The following DNAH6 variants were observed in gnomAD, a reference collection of about 807,000 sequenced individuals.
The protein encoded by DNAH6 is axonemal beta dynein heavy chain 6.
In DNAH6, 340 loss-of-function variants were observed where a neutral mutation model predicts 491.4. The observed-to-expected ratio is 0.69, with a 90% CI of 0.63 to 0.76. The LOEUF is 0.76. Among genes scored for constraint, DNAH6 ranks in the 30% least tolerant of loss-of-function variants. DNAH6 has a pLI of 0.00. For synonymous variants in DNAH6, 1,603 were observed against 1,686.1 expected, an observed-to-expected ratio of 0.95 and a Z score of 1.21; for missense variants, 4,443 against 4,972.2, an observed-to-expected ratio of 0.89 and a Z score of 3.20.
At position 84,784,775 on chromosome 2, in the gene DNAH6, A is replaced by G; in HGVS notation, c.10918A>G (p.Thr3640Ala). The change falls in exon 66 of 77, where the codon ACA (threonine) becomes GCA (alanine). Residue 3640 changes from threonine to alanine, a missense_variant. Coordinates refer to ENST00000389394, the MANE Select transcript of DNAH6 (RefSeq NM_001370.2). ...TTTTTTAAGCTCCATGCCTAGTAAT[A>G]CATTTCCTGTTACAGTTCTTCAAAA... ...RLFLSSMPSN[T>A]FPVTVLQNSV... is the part of the protein sequence containing the mutation. 6.4e-7 allele frequency: 1 copy of G among 1,550,544 alleles called. No homozygotes were observed. The highest frequency in any genetic ancestry group is 8.7e-7 in the Non-Finnish European group (1 of 1,146,014).
intron 11 of DNAH6, among the ~76,000 whole-genome samples, chr2:84,561,312 T>G (rs1356516561): frequency 6.6e-6 from 1 of 152,150 alleles, no homozygotes; most frequent in Non-Finnish European, 1.5e-5. Flanking sequence ...TAATAAATGG[T>G]GCTGGGAAAA....
intron 63 of DNAH6, among the ~76,000 whole-genome samples, chr2:84,754,872 G>A (rs1673843640): frequency 1.3e-5 from 2 of 152,054 alleles, no homozygotes; most frequent in South Asian, 4.1e-4. Context: ...ATCAATTTGG[G>A]GAATATTTAC....
At chr2:84,797,767 A>C in intron 70 of DNAH6, 109 bp downstream of exon 70, 1 of 986,780 alleles carries the variant, frequency 1.0e-6, no homozygotes, top group Non-Finnish European at 1.5e-6. Flanking sequence ...TAAATAAACA[A>C]ATAAAATAAT....
intron 72 of DNAH6, 132 bp from the exon 73 acceptor site, chr2:84,812,209 C>G (rs1680054380): frequency 4.3e-6 from 3 of 704,024 alleles, no homozygotes; most frequent in Non-Finnish European, 7.2e-6. Flanking sequence ...GCCCAGCAGA[C>G]AGTGTGCAAA....
Position 84,547,253 on chromosome 2 carries a change from C to T in DNAH6, c.931-15C>T. On this transcript the variant is annotated splice_polypyrimidine_tract_variant and intron_variant, in intron 5 of 76. Transcript: ENST00000389394. ...GAATATTTTTACTAAATAATAAATT[C>T]CTATTTTCATTCAGCATTTGCGACC... The T allele has an allele frequency of 2.0e-6, 3 of 1,503,228 alleles. No individual in the cohort carries two copies. Among genetic ancestry groups the T allele is most frequent in the African/African-American group, 1.4e-5 (1 of 70,708 alleles). The allele number at this position is 1,503,228 out of a possible 1,614,324, so 93.1% of individuals were successfully genotyped here. A position where few individuals can be genotyped will look rare whatever the true frequency, so the allele number is the denominator to read the frequency against.
At chr2:84,478,054 G>T in the DNAH6 span, among the ~76,000 whole-genome samples, 2 of 152,184 alleles carry the variant, frequency 1.3e-5, no homozygotes, top group African/African-American at 2.4e-5. Flanking sequence ...CGGGGCTGAT[G>T]AGCCAGCTTA....
intron 58 of DNAH6, 123 bp downstream of exon 58, chr2:84,715,750 C>CAA: frequency 1.2e-6 from 1 of 866,392 alleles, no homozygotes; most frequent in South Asian, 1.9e-5. Context: ...AACCCTTAAT[C>CAA]AAAAAAAAAT....
intron 72 of DNAH6, among the ~76,000 whole-genome samples, chr2:84,808,900 G>A (rs920269044): frequency 2.6e-5 from 4 of 152,112 alleles, no homozygotes; most frequent in Non-Finnish European, 2.9e-5. Flanking sequence ...GTCTTTAAGC[G>A]AGACTGTGAA....
chr2:84,802,492 A>C (rs1004246700), intron 70 of DNAH6, among the ~76,000 whole-genome samples: 2 of 152,222 alleles, frequency 1.3e-5, no homozygotes, highest in Non-Finnish European at 2.9e-5. Context: ...AATTCAATTC[A>C]AGAAGATTTG....
Position 84,669,343 on chromosome 2 carries a change from C to T in DNAH6, c.6139C>T (p.Leu2047=), listed in dbSNP as rs1692486467. ...TCATATGGACTTTGACACCAAACGG[C>T]TGGATCCCTGGGAACGAATCATACC... The part of the protein sequence containing the change: ...SIHMDFDTKR[L]DPWERIIPTF... The change falls in exon 38 of 77, where the codon CTG becomes TTG. Residue 2047 remains leucine (L), a synonymous_variant. Transcript: ENST00000389394. The T allele has an allele frequency of 2.6e-5, 41 of 1,549,172 alleles. 1 individual carries two copies. The highest frequency in any genetic ancestry group is 3.5e-5 in the Non-Finnish European group (40 of 1,144,646).
intron 52 of DNAH6, among the ~76,000 whole-genome samples, chr2:84,706,683 T>C (rs1487421744): frequency 6.6e-6 from 1 of 152,226 alleles, no homozygotes; most frequent in Non-Finnish European, 1.5e-5. Context: ...ATTTATTTTG[T>C]TGGGCTTTAT....
rs267599477 is a variant in DNAH6, at chr2:84,634,571, G to A, written c.4583G>A (p.Arg1528Gln). Reference sequence around the variant, plus strand: ...TGGTGCTGCTTTGATGAATTTAATCGAATTGACATAGAAGTTCTGTCCGTC... The same window carrying A: ...TGGTGCTGCTTTGATGAATTTAATCAAATTGACATAGAAGTTCTGTCCGTC... The part of the protein sequence containing the change: ...GAWCCFDEFN[R>Q]IDIEVLSVIA... Residue 1528 changes from arginine to glutamine, a missense_variant, in exon 30 of 77, where the codon CGA (arginine) becomes CAA (glutamine). Coordinates refer to ENST00000389394, the MANE Select transcript of DNAH6 (RefSeq NM_001370.2). 3.2e-6 allele frequency: 5 copies of A among 1,550,398 alleles called. No individual in the cohort carries two copies. The highest frequency in any genetic ancestry group is 4.9e-5 in the East Asian group (2 of 40,832).
At chr2:84,790,071 T>A (rs1677599868) in intron 68 of DNAH6, among the ~76,000 whole-genome samples, 1 of 152,224 alleles carries the variant, frequency 6.6e-6, no homozygotes. Context: ...AATTGGCTTA[T>A]AAATCAATGG....
At chr2:84,641,817 C>G in intron 32 of DNAH6, 130 bp from the exon 33 acceptor site, 1 of 686,186 alleles carries the variant, frequency 1.5e-6, no homozygotes, top group East Asian at 2.8e-5. Flanking sequence ...GCTGAACACA[C>G]GAGGGAAAAT....
At chr2:84,620,290 A>C (rs1364807495) in intron 24 of DNAH6, among the ~76,000 whole-genome samples, 1 of 152,170 alleles carries the variant, frequency 6.6e-6, no homozygotes, top group African/African-American at 2.4e-5. Context: ...GTATCTGATT[A>C]ATGGAATGAT....
chr2:84,607,615 A>G (rs77150009), intron 21 of DNAH6, among the ~76,000 whole-genome samples: 3,354 of 152,318 alleles, frequency 0.022, 53 homozygotes, highest in Middle Eastern at 0.1. Flanking sequence ...AAACCTGCAC[A>G]TGTAACCCCT....
intron 30 of DNAH6, among the ~76,000 whole-genome samples, chr2:84,636,306 T>C (rs1402853917): frequency 6.6e-6 from 1 of 152,248 alleles, no homozygotes; most frequent in African/African-American, 2.4e-5. Flanking sequence ...CAGTGTTGTT[T>C]CTTGCTCCTG....
intron 11 of DNAH6, among the ~76,000 whole-genome samples, chr2:84,564,431 A>G (rs1190241142): frequency 3.3e-5 from 5 of 151,962 alleles, no homozygotes; most frequent in African/African-American, 1.2e-4. Context: ...TGGGCATTTC[A>G]TTTTGTGCGT....
At chr2:84,766,433 A>C (rs1314025066) in intron 64 of DNAH6, among the ~76,000 whole-genome samples, 1 of 152,190 alleles carries the variant, frequency 6.6e-6, no homozygotes, top group Non-Finnish European at 1.5e-5. Flanking sequence ...TCCATGTGTT[A>C]AAGGGAAAAC....
Sources: gnomAD v4.1 joint callset for allele counts (sites outside exome capture counted in the v4.1 genomes callset) on GRCh38, gnomAD v4.1.1 for gene constraint, MANE v1.5 for transcripts, NCBI Gene and HGNC (gene_info 2026-07-23, HGNC 2026-07-21) for gene names.